Variants in MYLIP observed in about 807,000 individuals in gnomAD.
MYLIP encodes myosin regulatory light chain interacting protein.
A neutral mutation model predicts 45.8 loss-of-function variants in MYLIP; 26 were observed. That is an observed-to-expected ratio of 0.57 (90% CI 0.42 to 0.79). MYLIP has a LOEUF of 0.79. Among genes scored for constraint, MYLIP ranks in the 30% least tolerant of loss-of-function variants. MYLIP has a pLI of 0.00. For missense variants in MYLIP, 494 were observed against 555.6 expected (o/e 0.89, Z 1.11); for synonymous variants, 213 against 218.1 (o/e 0.98, Z 0.21).
chr6:16,162,566 C>A, the MYLIP span, among the ~76,000 whole-genome samples: 6 of 152,032 alleles, frequency 3.9e-5, no homozygotes, highest in Non-Finnish European at 8.8e-5. Context: ...GTAAAACATG[C>A]AGCAGCAGAT....
At chr6:16,137,312 A>G (rs548902205) in intron 2 of MYLIP, among the ~76,000 whole-genome samples, 2 of 152,320 alleles carry the variant, frequency 1.3e-5, no homozygotes, top group Admixed American at 6.5e-5. Flanking sequence ...TAAGTGACTC[A>G]TTGGACTGAG....
At chr6:16,156,508 A>C in the MYLIP span, among the ~76,000 whole-genome samples, 1 of 152,240 alleles carries the variant, frequency 6.6e-6, no homozygotes, top group Non-Finnish European at 1.5e-5. Flanking sequence ...ATTTGCCAAG[A>C]GAAGGAAGAC....
intron 2 of MYLIP, among the ~76,000 whole-genome samples, chr6:16,131,041 A>AAG (rs1411094659): frequency 6.6e-6 from 1 of 151,454 alleles, no homozygotes; most frequent in African/African-American, 2.4e-5. Flanking sequence ...AAAAAAAAAA[A>AAG]AAAAAAAGAA....
the MYLIP span, among the ~76,000 whole-genome samples, chr6:16,155,333 C>CA: frequency 2.6e-5 from 4 of 152,104 alleles, no homozygotes; most frequent in African/African-American, 9.7e-5. Context: ...GGACATGTGG[C>CA]AAAAAATATC....
the MYLIP span, among the ~76,000 whole-genome samples, chr6:16,155,919 C>T: frequency 3.3e-5 from 5 of 152,048 alleles, no homozygotes; most frequent in Non-Finnish European, 2.9e-5. Flanking sequence ...CTTTTCTGCA[C>T]CTGTGGCACT....
At chr6:16,153,783 C>G in the MYLIP span, among the ~76,000 whole-genome samples, 2 of 152,142 alleles carry the variant, frequency 1.3e-5, no homozygotes, top group Non-Finnish European at 2.9e-5. Flanking sequence ...AGGTGTGACA[C>G]CCCTAGACTC....
chr6:16,148,740 C>T (rs1000195873), downstream of MYLIP, among the ~76,000 whole-genome samples: 5 of 152,106 alleles, frequency 3.3e-5, no homozygotes, highest in Admixed American at 1.3e-4. Context: ...GTAAGGGCCT[C>T]GGGCTACAGA....
At chr6:16,148,773 G>C (rs1001799639), downstream of MYLIP, among the ~76,000 whole-genome samples, 1 of 152,148 alleles carries the variant, frequency 6.6e-6, no homozygotes, top group Non-Finnish European at 1.5e-5. Flanking sequence ...ATTCCTGCAG[G>C]ACTGCTGGTC....
chr6:16,144,165 A>G (rs1369590451), intron 5 of MYLIP, among the ~76,000 whole-genome samples: 1 of 152,140 alleles, frequency 6.6e-6, no homozygotes. Flanking sequence ...CTATTTAATC[A>G]ATACAACAAC....
At chr6:16,130,134 G>A (rs185693291) in intron 1 of MYLIP, among the ~76,000 whole-genome samples, 364 of 152,302 alleles carry the variant, frequency 2.4e-3, no homozygotes, top group Admixed American at 4.4e-3. Flanking sequence ...TGACACTTGT[G>A]GCGTGTTCCC....
rs1218664712 is a variant in MYLIP at position 16,148,238 on chromosome 6, T to C, written c.*1487T>C. ...CTTTTATATTCGGGATAATAAAGACTTTAAAGCAAACATGGATGTGTGTAT... is the reference window on the plus strand; with the variant it reads ...CTTTTATATTCGGGATAATAAAGACCTTAAAGCAAACATGGATGTGTGTAT... On this transcript the variant is annotated 3_prime_UTR_variant, in exon 7 of 7. Coordinates refer to ENST00000356840, the MANE Select transcript of MYLIP (RefSeq NM_013262.4). The C allele has an allele frequency of 6.6e-6, 1 of 152,600 alleles. No individual in the cohort carries two copies. The highest frequency in any genetic ancestry group is 1.5e-5 in the Non-Finnish European group (1 of 68,036). The allele number at this position is 152,600 out of a possible 1,614,324, so 9.5% of individuals were successfully genotyped here. A position where few individuals can be genotyped will look rare whatever the true frequency, so the allele number is the denominator to read the frequency against.
Position 16,129,129 on chromosome 6 carries a change from A to G in MYLIP, c.-194A>G. ...CGGCGCCACCGCGGAGGACAGGGGC[A>G]GCTGGCGGGCAGCGGGTGAGGGGGT... On this transcript the variant is annotated 5_prime_UTR_variant, in exon 1 of 7. Transcript: ENST00000356840. This position sits in a 1 kb window ranked among gnomAD's most constrained non-coding sequence, Gnocchi z 5.1. 1.7e-6 allele frequency: 1 copy of G among 583,066 alleles called. No homozygotes were observed. Among genetic ancestry groups the G allele is most frequent in the Non-Finnish European group, 3.0e-6 (1 of 332,654 alleles). 36.1% of individuals were successfully genotyped at this position (583,066 alleles called of 1,614,324 possible).
At chr6:16,137,277 A>C (rs921365126) in intron 2 of MYLIP, among the ~76,000 whole-genome samples, 33 of 152,228 alleles carry the variant, frequency 2.2e-4, no homozygotes, top group African/African-American at 8.0e-4. Context: ...TGGCAGTCAA[A>C]GTTTGTTTTA....
At chr6:16,146,623 C>T in intron 6 of MYLIP, 39 bp from the exon 7 acceptor site, 2 of 1,551,342 alleles carry the variant, frequency 1.3e-6, no homozygotes, top group East Asian at 4.6e-5. Context: ...CCCACCGAGG[C>T]TTGCATGCTA....
At chr6:16,155,862 T>C in the MYLIP span, among the ~76,000 whole-genome samples, 1 of 151,948 alleles carries the variant, frequency 6.6e-6, no homozygotes, top group Non-Finnish European at 1.5e-5. Flanking sequence ...TTGCGTGAGA[T>C]AGTTGCTTTC....
At chr6:16,158,050 G>C in the MYLIP span, among the ~76,000 whole-genome samples, 1 of 152,220 alleles carries the variant, frequency 6.6e-6, no homozygotes, top group African/African-American at 2.4e-5. Flanking sequence ...TTGGCCACTA[G>C]GATCCTCTTT....
intron 6 of MYLIP, among the ~76,000 whole-genome samples, chr6:16,146,272 C>T (rs962084190): frequency 2.0e-5 from 3 of 152,238 alleles, no homozygotes; most frequent in African/African-American, 7.2e-5. Context: ...CTGAGTCAGT[C>T]AGCTGAGCTA....
chr6:16,143,090 G>A lies in MYLIP; in HGVS notation c.535G>A (p.Val179Met), dbSNP rs774110969. 3.1e-6 allele frequency: 5 copies of A among 1,614,220 alleles called. No homozygotes were observed. The South Asian group carries it at 5.5e-5, about 18-fold the overall frequency. The stretch of plus-strand genomic sequence containing the variant: ...AGCTGAATACCAAGTTTTGCAGATT[G>A]TGTCGGCAATGGAAAACTATGGCAT... ...ASAEYQVLQI[V>M]SAMENYGIEW... Residue 179 changes from valine (V) to methionine (M), a missense_variant, in exon 4 of 7, where the codon GTG (valine) becomes ATG (methionine). Val to Met is a conservative substitution (Grantham distance 21). Transcript: ENST00000356840.
At chr6:16,152,897 A>C (rs893656127), downstream of MYLIP, among the ~76,000 whole-genome samples, 1 of 152,118 alleles carries the variant, frequency 6.6e-6, no homozygotes, top group Non-Finnish European at 1.5e-5. Flanking sequence ...GCATGACTGA[A>C]ATACAGGGTA....
Sources: allele counts gnomAD v4.1 joint callset (sites outside exome capture counted in the v4.1 genomes callset), GRCh38; gene constraint gnomAD v4.1.1; non-coding constraint Gnocchi (gnomAD v3.1); transcripts MANE v1.5; gene names NCBI Gene and HGNC (gene_info 2026-07-23, HGNC 2026-07-21).